Variants in CNTNAP2 observed in about 807,000 individuals in gnomAD.
The protein encoded by CNTNAP2 is contactin-associated protein-like 2.
Under a neutral mutation model 155.2 loss-of-function variants are expected in CNTNAP2, and 98 were observed. The ratio of observed to expected loss-of-function variants is 0.63; its 90% CI spans 0.54 to 0.75. The LOEUF is 0.75. CNTNAP2 is among the 30% of genes least tolerant of loss of function. The pLI is 0.00. For synonymous variants in CNTNAP2, 651 were observed against 631.2 expected (o/e 1.03, Z -0.47); for missense variants, 1,727 against 1,688.1 (o/e 1.02, Z -0.40).
intron 2 of CNTNAP2, among the ~76,000 whole-genome samples, chr7:146,839,343 CAG>C (rs1299425028): frequency 6.6e-6 from 1 of 152,060 alleles, no homozygotes; most frequent in African/African-American, 2.4e-5. Flanking sequence ...GTTTACATGA[CAG>C]AAAAAATTGG....
At chr7:147,329,016 G>A (rs1795508930) in intron 9 of CNTNAP2, among the ~76,000 whole-genome samples, 1 of 152,108 alleles carries the variant, frequency 6.6e-6, no homozygotes, top group Non-Finnish European at 1.5e-5. Flanking sequence ...CTTTTACAAA[G>A]CGAAGGCACC....
At chr7:146,596,083 A>T (rs1027753194) in intron 1 of CNTNAP2, among the ~76,000 whole-genome samples, 11 of 152,070 alleles carry the variant, frequency 7.2e-5, no homozygotes, top group Non-Finnish European at 1.3e-4. Flanking sequence ...TTTGCTTGAG[A>T]TCATGTGTCA....
intron 8 of CNTNAP2, chr7:147,162,066 T>A (rs1162565512): frequency 6.6e-6 from 1 of 152,182 alleles, no homozygotes; most frequent in Admixed American, 6.5e-5. Context: ...TCTTGTACCC[T>A]TAAGGCAAAA....
intron 9 of CNTNAP2, among the ~76,000 whole-genome samples, chr7:147,342,940 G>GTA (rs1048451454): frequency 2.0e-5 from 3 of 152,008 alleles, no homozygotes; most frequent in African/African-American, 7.3e-5. Flanking sequence ...TAAAAGTGAT[G>GTA]TATATATCAC....
intron 13 of CNTNAP2, chr7:147,672,408 C>T (rs551102814): frequency 6.6e-6 from 1 of 152,274 alleles, no homozygotes; most frequent in East Asian, 1.9e-4. Context: ...GTGCTAAACT[C>T]TTTTCTTTCT....
intron 3 of CNTNAP2, among the ~76,000 whole-genome samples, chr7:146,940,263 T>G (rs896799575): frequency 3.3e-5 from 5 of 152,118 alleles, no homozygotes; most frequent in African/African-American, 9.7e-5. Context: ...TGGAGTGCAG[T>G]GGCACGATTT....
At chr7:147,109,881 G>A (rs571131584) in intron 5 of CNTNAP2, among the ~76,000 whole-genome samples, 4 of 149,662 alleles carry the variant, frequency 2.7e-5, no homozygotes, top group African/African-American at 9.9e-5. Context: ...TTTTATGTGG[G>A]GTTGTTGTTA....
intron 9 of CNTNAP2, among the ~76,000 whole-genome samples, chr7:147,373,760 A>G (rs982903856): frequency 1.1e-4 from 16 of 151,896 alleles, no homozygotes; most frequent in African/African-American, 3.6e-4. Context: ...AGTTTATTAT[A>G]CTTGAGTTCT....
rs191689250 is a variant in CNTNAP2, at chr7:147,296,262, C to G, written c.1349-3879C>G. 2.4e-3 allele frequency among the ~76,000 whole-genome samples: 361 copies of G among 152,302 alleles called. 1 individual carries two copies. Among genetic ancestry groups the G allele is most frequent in the Non-Finnish European group, 4.0e-3 (270 of 68,024 alleles). On this transcript the variant is annotated intron_variant, in intron 8 of 23. Coordinates refer to ENST00000361727, the MANE Select transcript of CNTNAP2 (RefSeq NM_014141.6). ...TAAAGACAAAAATCAAAAAACCATG[C>G]AGTCCTATAGTTAATCAACAATAAA...
intron 10 of CNTNAP2, among the ~76,000 whole-genome samples, chr7:147,410,620 A>G (rs1797087654): frequency 6.6e-6 from 1 of 152,174 alleles, no homozygotes; most frequent in African/African-American, 2.4e-5. Context: ...AGATGTGCAG[A>G]GCTATACTCT....
intron 1 of CNTNAP2, among the ~76,000 whole-genome samples, chr7:146,278,276 A>G (rs956325980): frequency 3.3e-5 from 5 of 152,138 alleles, no homozygotes; most frequent in Non-Finnish European, 7.4e-5. Context: ...CTTCTTCCCA[A>G]TCTTTTGACA....
intron 13 of CNTNAP2, among the ~76,000 whole-genome samples, chr7:147,658,186 G>A (rs376198582): frequency 8.5e-6 from 1 of 118,338 alleles, no homozygotes; most frequent in Non-Finnish European, 1.9e-5. Flanking sequence ...GAACCCGGGA[G>A]GCGGAGCTTG....
chr7:147,288,376 G>C (rs1304316133), intron 8 of CNTNAP2, among the ~76,000 whole-genome samples: 2 of 152,168 alleles, frequency 1.3e-5, no homozygotes, highest in East Asian at 3.9e-4. Flanking sequence ...TGCATTGTAA[G>C]AGATGAATTA....
intron 1 of CNTNAP2, among the ~76,000 whole-genome samples, chr7:146,253,893 C>CAAAAAAA (rs113028868): frequency 1.4e-5 from 2 of 142,152 alleles, no homozygotes; most frequent in African/African-American, 5.0e-5. Flanking sequence ...CCTGTCACTA[C>CAAAAAAA]AAAAAAAAAA....
intron 1 of CNTNAP2, among the ~76,000 whole-genome samples, chr7:146,596,227 A>T (rs946510953): frequency 2.6e-5 from 4 of 152,042 alleles, no homozygotes; most frequent in African/African-American, 9.7e-5. Flanking sequence ...TAACAATATC[A>T]TGTGGAAACT....
chr7:147,330,107 G>T (rs1460894743), intron 9 of CNTNAP2, among the ~76,000 whole-genome samples: 1 of 152,066 alleles, frequency 6.6e-6, no homozygotes, highest in Non-Finnish European at 1.5e-5. Flanking sequence ...CTGGTCACCA[G>T]AAAGACCAAA....
At chr7:148,153,735 G>A (rs565595219) in intron 17 of CNTNAP2, among the ~76,000 whole-genome samples, 7 of 152,342 alleles carry the variant, frequency 4.6e-5, no homozygotes, top group Non-Finnish European at 7.3e-5. Flanking sequence ...GATAGCAGCG[G>A]CAGGAGTGGG....
chr7:147,716,638 G>A (rs1376807407), intron 13 of CNTNAP2, among the ~76,000 whole-genome samples: 3 of 152,196 alleles, frequency 2.0e-5, no homozygotes, highest in Non-Finnish European at 4.4e-5. Context: ...TTCTATTGAC[G>A]CAGCTACCGG....
At chr7:146,682,295 G>A (rs1420277686) in intron 1 of CNTNAP2, among the ~76,000 whole-genome samples, 1 of 152,070 alleles carries the variant, frequency 6.6e-6, no homozygotes, top group East Asian at 1.9e-4. Flanking sequence ...TCCCTGTTGA[G>A]TGATAAGCCT....
Sources: gnomAD v4.1 joint callset for allele counts (sites outside exome capture counted in the v4.1 genomes callset) on GRCh38, gnomAD v4.1.1 for gene constraint, MANE v1.5 for transcripts, NCBI Gene and HGNC (gene_info 2026-07-23, HGNC 2026-07-21) for gene names.